SETD2: variants seen among roughly 807,000 people sequenced by gnomAD.
SETD2 encodes the protein histone-lysine N-methyltransferase SETD2.
SETD2 carries 31 observed loss-of-function variants against 242.1 expected under a neutral mutation model. The ratio of observed to expected loss-of-function variants is 0.13; its 90% CI spans 0.10 to 0.17. The LOEUF is 0.17. SETD2 is among the 10% of genes least tolerant of loss of function. The pLI is 1.00. For synonymous variants in SETD2, 1,006 were observed against 1,066.5 expected (o/e 0.94, Z 1.11); for missense variants, 2,481 against 3,046.3 (o/e 0.81, Z 4.37).
At chr3:47,113,328 C>A (rs1405987148) in intron 5 of SETD2, among the ~76,000 whole-genome samples, 1 of 152,136 alleles carries the variant, frequency 6.6e-6, no homozygotes, top group Non-Finnish European at 1.5e-5. Context: ...GTCCCAACTT[C>A]TTTTTATATA....
chr3:47,121,312 T>C lies in SETD2; in HGVS notation c.3324A>G (p.Ser1108=), dbSNP rs763701176. 9.3e-6 allele frequency: 15 copies of C among 1,612,162 alleles called. No individual in the cohort carries two copies. In the African/African-American group the frequency reaches 1.2e-4, roughly 13 times the overall value. Residue 1108 remains serine (S), a synonymous_variant, in exon 3 of 21, where the codon TCA becomes TCG. Transcript: ENST00000409792. ...SDHWEDERLE[S]RRHLYEEKFE... is the part of the protein sequence containing the mutation. ...ATTTTTCCTCATACAAATGTCTCCT[T>C]GACTCCAATCTCTCATCTTCCCAAT...
At chr3:47,163,014 G>C (rs183626876) in intron 1 of SETD2, among the ~76,000 whole-genome samples, 132 of 152,288 alleles carry the variant, frequency 8.7e-4, no homozygotes, top group Admixed American at 2.5e-3. Flanking sequence ...TTTTAACCAA[G>C]TCTTCACAAG....
chr3:47,115,290 C>T (rs1271569656), intron 4 of SETD2, among the ~76,000 whole-genome samples: 2 of 151,968 alleles, frequency 1.3e-5, no homozygotes, highest in Non-Finnish European at 2.9e-5. Flanking sequence ...CCGAGAACTA[C>T]CAAAAGCTTA....
At chr3:47,020,445 C>G (rs780448608) in intron 18 of SETD2, among the ~76,000 whole-genome samples, 1 of 152,102 alleles carries the variant, frequency 6.6e-6, no homozygotes, top group Non-Finnish European at 1.5e-5. Flanking sequence ...GATGATGACA[C>G]AGAAGATACT....
At chr3:47,092,509 T>A (rs973708149) in intron 9 of SETD2, among the ~76,000 whole-genome samples, 1 of 148,856 alleles carries the variant, frequency 6.7e-6, no homozygotes, top group African/African-American at 2.4e-5. Context: ...TTTATATATA[T>A]TAAATATATA....
In SETD2 at chr3:47,098,095, A is replaced by G. The variant is rs2042074545; in HGVS notation, c.5016-14T>C. On this transcript the variant is annotated splice_polypyrimidine_tract_variant and intron_variant, in intron 8 of 20. Transcript: ENST00000409792. ...TGGGCTTCTTTTCTGTTCAAAGAGCATAGGAAAGAAGTCAGCTATGTGGAA... is the reference window on the plus strand; with the variant it reads ...TGGGCTTCTTTTCTGTTCAAAGAGCGTAGGAAAGAAGTCAGCTATGTGGAA... The G allele has an allele frequency of 5.6e-6, 9 of 1,613,372 alleles. No homozygotes were observed. Among genetic ancestry groups the G allele is most frequent in the Admixed American group, 1.7e-5 (1 of 59,970 alleles).
rs374749926 is a variant in SETD2, at chr3:47,106,032, T to C, written c.4804A>G (p.Ile1602Val). ...RVKEYARNKN[I>V]HYYFMALKND... is the part of the protein sequence containing the mutation. Reference sequence around the variant, plus strand: ...TTCAGGGCCATGAAATAGTAATGGATGTTTTTGTTTCGTGCATACTCCTTC... The same window carrying C: ...TTCAGGGCCATGAAATAGTAATGGACGTTTTTGTTTCGTGCATACTCCTTC... The change falls in exon 6 of 21, where the codon ATC (isoleucine) becomes GTC (valine). Residue 1602 changes from isoleucine (I) to valine (V), a missense_variant. Ile to Val is a conservative substitution (Grantham distance 29). Transcript: ENST00000409792. 3 of 1,613,926 alleles carry C rather than the reference T, an allele frequency of 1.9e-6. No homozygotes were observed. The highest frequency in any genetic ancestry group is 2.7e-5 in the African/African-American group (2 of 74,906).
intron 1 of SETD2, among the ~76,000 whole-genome samples, chr3:47,152,938 T>C (rs114988707): frequency 6.6e-6 from 1 of 152,230 alleles, no homozygotes; most frequent in Non-Finnish European, 1.5e-5. Flanking sequence ...AAAGCAACTA[T>C]GGGAATTCAG....
chr3:47,084,305 T>C lies in SETD2; in HGVS notation c.5475A>G (p.Gln1825=), dbSNP rs761473538. The part of the protein sequence containing the change: ...LEESKVLPII[Q]RWSQTKTAVP... ...CAGCAGTCTTAGTCTGAGACCAGCGTTGAATAATTGGAAGTACTTTGCTTT... is the reference window on the plus strand; with the variant it reads ...CAGCAGTCTTAGTCTGAGACCAGCGCTGAATAATTGGAAGTACTTTGCTTT... Residue 1825 remains glutamine (Q), a synonymous_variant, in exon 12 of 21, where the codon CAA becomes CAG. Coordinates refer to ENST00000409792, the MANE Select transcript of SETD2 (RefSeq NM_014159.7). The C allele has an allele frequency of 3.1e-6, 5 of 1,613,992 alleles. No homozygotes were observed. The highest frequency in any genetic ancestry group is 4.2e-6 in the Non-Finnish European group (5 of 1,179,978).
chr3:47,021,748 C>G (rs967726107), intron 18 of SETD2, among the ~76,000 whole-genome samples: 2 of 152,156 alleles, frequency 1.3e-5, no homozygotes, highest in Non-Finnish European at 2.9e-5. Context: ...AACATTTACT[C>G]AAATCTAATG....
chr3:47,157,620 TC>T, intron 1 of SETD2: 1 of 446,270 alleles, frequency 2.2e-6, no homozygotes. Flanking sequence ...ATGCCTGTAA[TC>T]CCAGCACTTT....
intron 6 of SETD2, among the ~76,000 whole-genome samples, chr3:47,104,740 A>G (rs2042343210): frequency 6.6e-6 from 1 of 152,172 alleles, no homozygotes; most frequent in Admixed American, 6.5e-5. Flanking sequence ...TTCCTATGGC[A>G]GATTTCTGGC....
At chr3:47,154,719 C>A (rs6766230) in intron 1 of SETD2, among the ~76,000 whole-genome samples, 99,233 of 151,962 alleles carry the variant, frequency 0.65, 32,809 homozygotes, top group African/African-American at 0.76. Context: ...ATTGGCCGGG[C>A]GCGGTGGCTC....
intron 1 of SETD2, among the ~76,000 whole-genome samples, chr3:47,143,697 G>T (rs1167097693): frequency 6.6e-6 from 1 of 152,022 alleles, no homozygotes; most frequent in Non-Finnish European, 1.5e-5. Context: ...CAAATGTCAA[G>T]TTACATTATA....
At chr3:47,057,927 T>C (rs1441127995) in intron 14 of SETD2, among the ~76,000 whole-genome samples, 1 of 152,024 alleles carries the variant, frequency 6.6e-6, no homozygotes, top group Non-Finnish European at 1.5e-5. Flanking sequence ...AGAGAAATAG[T>C]TGAAAAATAA....
intron 18 of SETD2, among the ~76,000 whole-genome samples, chr3:47,033,117 A>T (rs2038848160): frequency 1.3e-5 from 2 of 152,160 alleles, no homozygotes; most frequent in African/African-American, 2.4e-5. Context: ...ATCTATCCCC[A>T]ACAATGCCCT....
chr3:47,101,855 T>A (rs906572464), intron 7 of SETD2, among the ~76,000 whole-genome samples: 1 of 152,080 alleles, frequency 6.6e-6, no homozygotes, highest in Non-Finnish European at 1.5e-5. Context: ...GCTATTTTAA[T>A]TTATCTTAAC....
chr3:47,097,758 T>C (rs1415559939), intron 9 of SETD2, among the ~76,000 whole-genome samples, 197 bp downstream of exon 9: 2 of 152,210 alleles, frequency 1.3e-5, no homozygotes, highest in African/African-American at 2.4e-5. Flanking sequence ...AATAATACTT[T>C]AATAGTTCTC....
chr3:47,130,931 G>GTTAA (rs1214510964), intron 1 of SETD2, among the ~76,000 whole-genome samples: 1 of 152,070 alleles, frequency 6.6e-6, no homozygotes, highest in Non-Finnish European at 1.5e-5. Context: ...AAAAGACTTA[G>GTTAA]TTAAGAGTTT....
Sources: gnomAD v4.1 joint callset for allele counts (sites outside exome capture counted in the v4.1 genomes callset) on GRCh38, gnomAD v4.1.1 for gene constraint, MANE v1.5 for transcripts, NCBI Gene and HGNC (gene_info 2026-07-23, HGNC 2026-07-21) for gene names.